The following ARHGAP44 variants were observed in gnomAD, a reference collection of about 807,000 sequenced individuals.
The protein encoded by ARHGAP44 is Rho GTPase activating protein 44.
In ARHGAP44, 43 loss-of-function variants were observed where a neutral mutation model predicts 106.8. The ratio of observed to expected loss-of-function variants is 0.40; its 90% confidence interval spans 0.32 to 0.52. The LOEUF (loss-of-function observed/expected upper bound fraction) is 0.52, where lower values mean the gene tolerates loss of function less well. ARHGAP44 is among the 20% of genes least tolerant of loss of function. The pLI is 0.48. For synonymous variants in ARHGAP44, 439 were observed against 410.3 expected (o/e 1.07, Z -0.85); for missense variants, 866 against 1,050.5 (o/e 0.82, Z 2.43).
rs780751811 is a variant in ARHGAP44 at position 12,943,694 on chromosome 17, A to C, written c.733+25A>C. 9 of 1,611,560 alleles carry C rather than the reference A, an allele frequency of 5.6e-6. No individual in the cohort carries two copies. The South Asian group carries it at 7.7e-5, about 14-fold the overall frequency. On this transcript the variant is annotated intron_variant, in intron 9 of 20. Transcript: ENST00000379672. ...GGTAAGTGCAGGCCTTCCCTGGAGAAGGGAGGGCCGGGGTGCCTGCTTGCC... is the reference window on the plus strand; with the variant it reads ...GGTAAGTGCAGGCCTTCCCTGGAGACGGGAGGGCCGGGGTGCCTGCTTGCC...
intron 1 of ARHGAP44, among the ~76,000 whole-genome samples, chr17:12,845,036 C>A (rs1016647837): frequency 1.3e-5 from 2 of 152,146 alleles, no homozygotes; most frequent in Non-Finnish European, 2.9e-5. Flanking sequence ...GTATTGGGAG[C>A]CTCTGTTCAA....
At chr17:12,914,203 A>T (rs1356342256) in intron 4 of ARHGAP44, among the ~76,000 whole-genome samples, 1 of 152,182 alleles carries the variant, frequency 6.6e-6, no homozygotes, top group East Asian at 1.9e-4. Context: ...GCAGTCAAGG[A>T]ATGTAAATTA....
At chr17:12,952,608 C>T (rs151019344) in intron 13 of ARHGAP44, 27 bp downstream of exon 13, 3 of 1,524,330 alleles carry the variant, frequency 2.0e-6, no homozygotes, top group Admixed American at 2.0e-5. Flanking sequence ...CAAGTATAGA[C>T]ACATGGCTTG....
chr17:12,869,032 T>C (rs560638913), intron 1 of ARHGAP44, among the ~76,000 whole-genome samples: 64 of 152,202 alleles, frequency 4.2e-4, no homozygotes, highest in African/African-American at 1.5e-3. Flanking sequence ...AAATACATAT[T>C]TAAGGGTTTG....
At position 12,958,848 on chromosome 17, in the gene ARHGAP44, C is replaced by T; in HGVS notation, c.1474C>T (p.Leu492Phe). Residue 492 changes from leucine to phenylalanine, a missense_variant, in exon 16 of 21, where the codon CTC (leucine) becomes TTC (phenylalanine). Physicochemically the swap from Leu to Phe is conservative, Grantham distance 22. This residue lies in a region of ARHGAP44 where 448 missense variants were observed against 646.9 expected (regional missense o/e 0.69). Coordinates refer to ENST00000379672, the MANE Select transcript of ARHGAP44 (RefSeq NM_014859.6). The surrounding 1 kb of genome is among the most constrained non-coding windows in gnomAD (Gnocchi z 4.1). Reference sequence around the variant, plus strand: ...CCAGCCCGAGCAGGCCCGCCGGCCCCTCAGCGTCGCCACGGATAATATGAT... The same window carrying T: ...CCAGCCCGAGCAGGCCCGCCGGCCCTTCAGCGTCGCCACGGATAATATGAT... ...RRQPEQARRP[L>F]SVATDNMMLE... is the part of the protein sequence containing the mutation. The T allele has an allele frequency of 6.2e-7, 1 of 1,612,108 alleles. No homozygotes were observed.
intron 2 of ARHGAP44, among the ~76,000 whole-genome samples, chr17:12,895,952 A>G (rs1185734520): frequency 6.6e-6 from 1 of 152,140 alleles, no homozygotes; most frequent in Non-Finnish European, 1.5e-5. Context: ...TGTCCTTTGT[A>G]GGGACATGCA....
At chr17:12,925,533 G>A (rs1207368295) in intron 6 of ARHGAP44, among the ~76,000 whole-genome samples, 1 of 152,154 alleles carries the variant, frequency 6.6e-6, no homozygotes. Context: ...GAACTGACCT[G>A]CATTTGCCTT....
intron 1 of ARHGAP44, among the ~76,000 whole-genome samples, chr17:12,811,330 T>A (rs2150779948): frequency 7.0e-6 from 1 of 141,946 alleles, no homozygotes; most frequent in East Asian, 2.0e-4. Flanking sequence ...AAAAAAAAAA[T>A]CGTAAGAAAG....
chr17:12,814,773 CTT>C (rs1284356976), intron 1 of ARHGAP44, among the ~76,000 whole-genome samples: 1 of 152,134 alleles, frequency 6.6e-6, no homozygotes, highest in Non-Finnish European at 1.5e-5. Flanking sequence ...GTGTACTCCT[CTT>C]GTTTTCCTCT....
At chr17:12,930,840 G>T (rs2038377524) in intron 7 of ARHGAP44, among the ~76,000 whole-genome samples, 1 of 152,056 alleles carries the variant, frequency 6.6e-6, no homozygotes, top group Admixed American at 6.6e-5. Context: ...CTCCCTTCCT[G>T]TCCAGCAACC....
chr17:12,814,834 T>A (rs909848005), intron 1 of ARHGAP44, among the ~76,000 whole-genome samples: 1 of 152,130 alleles, frequency 6.6e-6, no homozygotes, highest in Non-Finnish European at 1.5e-5. Context: ...TTGATTTATC[T>A]TTCTGAAAAA....
At chr17:12,792,489 G>A (rs1299867058) in intron 1 of ARHGAP44, among the ~76,000 whole-genome samples, 3 of 152,174 alleles carry the variant, frequency 2.0e-5, no homozygotes, top group Non-Finnish European at 4.4e-5. Flanking sequence ...GTCAGCGAGA[G>A]GGGCAGTATC....
intron 8 of ARHGAP44, among the ~76,000 whole-genome samples, chr17:12,941,851 TA>T (rs150324087): frequency 2.7e-5 from 4 of 150,820 alleles, no homozygotes; most frequent in Admixed American, 2.0e-4. Context: ...AAAGTTCAAA[TA>T]AAAAAAAATC....
At chr17:12,912,303 AAGATATGAAATTCTC>A (rs1377228416) in intron 4 of ARHGAP44, among the ~76,000 whole-genome samples, 1 of 104,982 alleles carries the variant, frequency 9.5e-6, no homozygotes, top group Non-Finnish European at 1.9e-5. Context: ...AATATGATAG[AAGATATGAAATTCTC>A]AGGAGGTTGG....
rs376977747 is a variant in ARHGAP44 at position 12,955,000 on chromosome 17, G to A, written c.1137-867G>A. On this transcript the variant is annotated intron_variant, in intron 13 of 20. Transcript: ENST00000379672. ...TACCCCAAAAAAGAAATCCCCTTCC[G>A]ATAAGCACTCCTTATTTTCCCCAAC... Among the ~76,000 whole-genome samples the A allele has an allele frequency of 2.0e-5, 3 of 152,050 alleles. No homozygotes were observed. The South Asian group carries it at 6.2e-4, about 32-fold the overall frequency.
At chr17:12,941,667 G>A (rs902214876) in intron 8 of ARHGAP44, among the ~76,000 whole-genome samples, 1 of 152,092 alleles carries the variant, frequency 6.6e-6, no homozygotes, top group African/African-American at 2.4e-5. Context: ...GTGACTGATA[G>A]GTATATGATG....
intron 10 of ARHGAP44, among the ~76,000 whole-genome samples, chr17:12,946,488 A>AAG: frequency 6.6e-6 from 1 of 151,384 alleles, no homozygotes; most frequent in East Asian, 1.9e-4. Flanking sequence ...TAAAAAAAAA[A>AAG]AAAAAGAAAT....
At chr17:12,828,639 T>TC (rs1366195914) in intron 1 of ARHGAP44, among the ~76,000 whole-genome samples, 65 of 141,140 alleles carry the variant, frequency 4.6e-4, no homozygotes, top group African/African-American at 1.5e-3. Context: ...TTTCTTTCTT[T>TC]TTTTTTTTTT....
intron 1 of ARHGAP44, among the ~76,000 whole-genome samples, chr17:12,861,653 T>TTTTTTTTTAA (rs755400921): frequency 6.8e-5 from 4 of 59,146 alleles, no homozygotes; most frequent in Admixed American, 2.4e-4. Context: ...ACTTTTTTTT[T>TTTTTTTTTAA]TTTTTGAGAT....
Sources: allele counts gnomAD v4.1 joint callset (sites outside exome capture counted in the v4.1 genomes callset), GRCh38; gene constraint gnomAD v4.1.1; regional missense constraint gnomAD v4.1.1; non-coding constraint Gnocchi (gnomAD v3.1); transcripts MANE v1.5; gene names NCBI Gene and HGNC (gene_info 2026-07-23, HGNC 2026-07-21).